The following SPPL3 variants were observed in gnomAD, a reference collection of about 807,000 sequenced individuals.
The protein encoded by SPPL3 is signal peptide peptidase like 3.
Under a neutral mutation model 42.4 loss-of-function variants are expected in SPPL3, and 5 were observed. The observed-to-expected ratio is 0.12, with a 90% confidence interval of 0.06 to 0.25. The LOEUF is 0.25. Among genes scored for constraint, SPPL3 ranks in the 10% least tolerant of loss-of-function variants. The pLI is 1.00. For synonymous variants in SPPL3, 195 were observed against 181.8 expected (o/e 1.07, Z -0.58); for missense variants, 235 against 489.0 (o/e 0.48, Z 4.90).
chr12:120,792,696 CAAA>C (rs57603403), intron 2 of SPPL3, among the ~76,000 whole-genome samples: 6 of 71,778 alleles, frequency 8.4e-5, no homozygotes, highest in South Asian at 4.8e-4. Flanking sequence ...GAGACTGTCT[CAAA>C]AAAAAAAAAA....
chr12:120,827,028 C>T (rs957443659), intron 1 of SPPL3, among the ~76,000 whole-genome samples: 4 of 151,910 alleles, frequency 2.6e-5, no homozygotes, highest in African/African-American at 9.7e-5. Context: ...GTGATTTCTA[C>T]CAACCCCGAG....
At chr12:120,838,476 C>T (rs1871695588) in intron 1 of SPPL3, among the ~76,000 whole-genome samples, 1 of 152,182 alleles carries the variant, frequency 6.6e-6, no homozygotes, top group South Asian at 2.1e-4. Flanking sequence ...TCGGGGACTT[C>T]CATTTAAGCC....
chr12:120,848,215 T>C (rs1014471452), intron 1 of SPPL3, among the ~76,000 whole-genome samples: 2 of 152,226 alleles, frequency 1.3e-5, no homozygotes, highest in Non-Finnish European at 2.9e-5. Context: ...AGCAACTAAA[T>C]ACAACTATAA....
chr12:120,876,561 G>A (rs1873095315), intron 1 of SPPL3, among the ~76,000 whole-genome samples: 1 of 138,774 alleles, frequency 7.2e-6, no homozygotes, highest in Admixed American at 7.7e-5. Flanking sequence ...AGCTTGCAGT[G>A]AGCCGAGATC....
intron 3 of SPPL3, among the ~76,000 whole-genome samples, chr12:120,785,005 G>C (rs1396691286): frequency 6.6e-6 from 1 of 152,198 alleles, no homozygotes; most frequent in Non-Finnish European, 1.5e-5. Context: ...GTGGGTTTAA[G>C]GTACTCATTT....
chr12:120,766,006 G>A (rs1248298383), intron 10 of SPPL3, among the ~76,000 whole-genome samples: 2 of 152,012 alleles, frequency 1.3e-5, no homozygotes, highest in Non-Finnish European at 2.9e-5. Context: ...GTTATTCCTC[G>A]ACCAGGTGGT....
intron 1 of SPPL3, among the ~76,000 whole-genome samples, chr12:120,867,669 T>C (rs1872795666): frequency 6.6e-6 from 1 of 151,108 alleles, no homozygotes; most frequent in African/African-American, 2.4e-5. Flanking sequence ...TGTATATATA[T>C]ATATACATAC....
chr12:120,876,730 G>A (rs1300815373), intron 1 of SPPL3, among the ~76,000 whole-genome samples: 1 of 149,398 alleles, frequency 6.7e-6, no homozygotes, highest in Non-Finnish European at 1.5e-5. Flanking sequence ...AGAGGGAAAC[G>A]TATAATTTTC....
At chr12:120,802,401 G>GTATATATATATACATATA (rs1566046035) in intron 2 of SPPL3, among the ~76,000 whole-genome samples, 44 of 90,432 alleles carry the variant, frequency 4.9e-4, no homozygotes, top group African/African-American at 3.5e-3. Context: ...ACATATATGT[G>GTATATATATATACATATA]TGTGTGTGTG....
intron 1 of SPPL3, among the ~76,000 whole-genome samples, chr12:120,823,042 G>A (rs1871118779): frequency 6.6e-6 from 1 of 151,876 alleles, no homozygotes; most frequent in African/African-American, 2.4e-5. Flanking sequence ...TCAGCATGGA[G>A]GCCTATGTGA....
At chr12:120,766,141 CAG>C in intron 10 of SPPL3, 120 bp downstream of exon 10, 14 of 681,022 alleles carry the variant, frequency 2.1e-5, no homozygotes, top group Non-Finnish European at 3.1e-5. Flanking sequence ...CACACACACA[CAG>C]TCGAGATCAC....
At chr12:120,810,187 G>C (rs958066321) in intron 2 of SPPL3, among the ~76,000 whole-genome samples, 1 of 151,934 alleles carries the variant, frequency 6.6e-6, no homozygotes, top group Non-Finnish European at 1.5e-5. Flanking sequence ...TTGCTATGTT[G>C]CCCAGGCTAG....
intron 1 of SPPL3, among the ~76,000 whole-genome samples, chr12:120,863,454 G>A (rs993866952): frequency 1.3e-5 from 2 of 152,130 alleles, no homozygotes; most frequent in African/African-American, 4.8e-5. Context: ...TTAATGTCTG[G>A]CTTAATCGAA....
At chr12:120,832,465 A>G (rs1269218581) in intron 1 of SPPL3, among the ~76,000 whole-genome samples, 1 of 152,142 alleles carries the variant, frequency 6.6e-6, no homozygotes, top group East Asian at 1.9e-4. Flanking sequence ...TGAGGTCGGG[A>G]GTTCAAGACC....
intron 1 of SPPL3, among the ~76,000 whole-genome samples, chr12:120,896,060 G>A (rs1355074784): frequency 6.6e-6 from 1 of 152,064 alleles, no homozygotes; most frequent in Non-Finnish European, 1.5e-5. Context: ...ATCCTTTGGT[G>A]GTTCTTCACT....
At chr12:120,847,723 A>T (rs1320051408) in intron 1 of SPPL3, among the ~76,000 whole-genome samples, 1 of 152,016 alleles carries the variant, frequency 6.6e-6, no homozygotes, top group African/African-American at 2.4e-5. Flanking sequence ...GAGCCACCAC[A>T]CCTGGCCTTG....
At chr12:120,869,986 G>C (rs527661160) in intron 1 of SPPL3, among the ~76,000 whole-genome samples, 1 of 152,174 alleles carries the variant, frequency 6.6e-6, no homozygotes, top group East Asian at 1.9e-4. Flanking sequence ...ATTTGTCAGT[G>C]ACATAAAGCC....
At chr12:120,803,088 G>A (rs532587978) in intron 2 of SPPL3, among the ~76,000 whole-genome samples, 5 of 152,268 alleles carry the variant, frequency 3.3e-5, no homozygotes, top group African/African-American at 4.8e-5. Context: ...GAACAGTTGC[G>A]ATTCACCTGA....
chr12:120,802,359 G>GTGTA (rs1870331397), intron 2 of SPPL3, among the ~76,000 whole-genome samples: 1 of 143,720 alleles, frequency 7.0e-6, no homozygotes, highest in Non-Finnish European at 1.5e-5. Context: ...ATGTATGTGT[G>GTGTA]TATATATATA....
Sources: allele counts gnomAD v4.1 joint callset (sites outside exome capture counted in the v4.1 genomes callset), GRCh38; gene constraint gnomAD v4.1.1; transcripts MANE v1.5; gene names NCBI Gene and HGNC (gene_info 2026-07-23, HGNC 2026-07-21).